Variants in UNC13C observed in about 807,000 individuals in gnomAD.
The protein encoded by UNC13C is unc-13 homolog C, also known as protein unc-13 homolog C.
Under a neutral mutation model 245.4 loss-of-function variants are expected in UNC13C, and 174 were observed. The observed-to-expected ratio is 0.71, with a 90% CI of 0.63 to 0.80. The LOEUF is 0.80. Ranked by LOEUF, UNC13C falls within the 30% of genes least tolerant of loss-of-function variation. The pLI, the probability that UNC13C is intolerant of heterozygous loss-of-function variation, is 0.00. For missense variants in UNC13C, 2,829 were observed against 2,602.9 expected (o/e 1.09, Z -1.89); for synonymous variants, 992 against 895.1 (o/e 1.11, Z -1.93).
intron 13 of UNC13C, among the ~76,000 whole-genome samples, chr15:54,318,316 T>C (rs1013828455): frequency 6.6e-6 from 1 of 151,932 alleles, no homozygotes; most frequent in African/African-American, 2.4e-5. Flanking sequence ...TTTCCCTTAA[T>C]GGCTGTACTA....
intron 18 of UNC13C, among the ~76,000 whole-genome samples, chr15:54,408,635 A>C (rs887240177): frequency 6.8e-6 from 1 of 146,178 alleles, no homozygotes; most frequent in Non-Finnish European, 1.5e-5. Context: ...AAGAGTTCTA[A>C]TGTTTATTTA....
At chr15:53,851,690 C>G in the UNC13C span, among the ~76,000 whole-genome samples, 1 of 152,168 alleles carries the variant, frequency 6.6e-6, no homozygotes, top group African/African-American at 2.4e-5. Flanking sequence ...GTCTGAACAG[C>G]AAGCCCTTGC....
the UNC13C span, among the ~76,000 whole-genome samples, chr15:53,882,918 A>G: frequency 6.6e-6 from 1 of 152,156 alleles, no homozygotes; most frequent in South Asian, 2.1e-4. Context: ...AGGAGGAGGG[A>G]GAGAAGCAGG....
At chr15:54,405,909 A>G (rs2040281731) in intron 18 of UNC13C, among the ~76,000 whole-genome samples, 1 of 152,168 alleles carries the variant, frequency 6.6e-6, no homozygotes, top group African/African-American at 2.4e-5. Flanking sequence ...AAAAAATTAT[A>G]TACATATGTA....
At chr15:54,427,793 C>A (rs1366383354) in intron 19 of UNC13C, among the ~76,000 whole-genome samples, 7 of 151,670 alleles carry the variant, frequency 4.6e-5, no homozygotes. Flanking sequence ...TCAGCCTATA[C>A]CTACAGGTCA....
At chr15:54,626,801 C>CAAAATTTGTATTTT in intron 32 of UNC13C, 27 bp from the exon 33 acceptor site, 1 of 1,586,168 alleles carries the variant, frequency 6.3e-7, no homozygotes, top group Non-Finnish European at 8.6e-7. Flanking sequence ...AGTTTTTGCT[C>CAAAATTTGTATTTT]AAAATTTGTA....
intron 2 of UNC13C, among the ~76,000 whole-genome samples, chr15:54,131,528 A>G (rs1455445708): frequency 6.6e-6 from 1 of 152,180 alleles, no homozygotes; most frequent in Non-Finnish European, 1.5e-5. Context: ...AGGTAATGAA[A>G]TCTTATGAAT....
At chr15:54,016,466 A>T (rs1355113611) in intron 2 of UNC13C, among the ~76,000 whole-genome samples, 1 of 152,178 alleles carries the variant, frequency 6.6e-6, no homozygotes, top group Non-Finnish European at 1.5e-5. Flanking sequence ...AGGGAGAGCA[A>T]TAGAGCCAAG....
intron 2 of UNC13C, among the ~76,000 whole-genome samples, chr15:54,110,107 G>A (rs1900691462): frequency 6.6e-6 from 1 of 151,882 alleles, no homozygotes; most frequent in African/African-American, 2.4e-5. Context: ...GTGGAACCCA[G>A]TCTCTACTAA....
intron 10 of UNC13C, among the ~76,000 whole-genome samples, chr15:54,284,077 A>G (rs111328114): frequency 2.0e-5 from 3 of 152,238 alleles, no homozygotes; most frequent in African/African-American, 7.2e-5. Flanking sequence ...CCTCATTACA[A>G]CCAATGACTT....
At chr15:53,857,892 A>T in the UNC13C span, among the ~76,000 whole-genome samples, 2 of 152,342 alleles carry the variant, frequency 1.3e-5, no homozygotes, top group South Asian at 4.1e-4. Flanking sequence ...CTTCAGTATT[A>T]TTTAACAATA....
intron 4 of UNC13C, among the ~76,000 whole-genome samples, chr15:54,172,574 G>A (rs28439582): frequency 0.11 from 15,893 of 150,364 alleles, 1,481 homozygotes; most frequent in African/African-American, 0.24. Context: ...TCAGTCCTCT[G>A]CTGAAATATA....
intron 10 of UNC13C, among the ~76,000 whole-genome samples, chr15:54,285,525 G>T (rs986900207): frequency 3.3e-5 from 5 of 152,182 alleles, no homozygotes; most frequent in African/African-American, 1.2e-4. Flanking sequence ...TGCTGGGTCA[G>T]AGTTTAAGGA....
At position 54,013,115 on chromosome 15, in the gene UNC13C, C is replaced by T. The variant is rs1185947534; in HGVS notation, c.212C>T (p.Ser71Phe). Residue 71 changes from serine to phenylalanine, a missense_variant, in exon 2 of 33, where the codon TCC becomes TTC. Physicochemically the swap from Ser to Phe is radical, Grantham distance 155 (BLOSUM62 -2). Coordinates refer to ENST00000260323, the MANE Select transcript of UNC13C (RefSeq NM_001080534.3). ...STVKKIAKCS[S>F]THNLSTEEDE... Reference sequence around the variant, plus strand: ...GTAAAGAAGATTGCAAAGTGTTCATCCACTCACAACTTATCCACTGAGGAA... The same window carrying T: ...GTAAAGAAGATTGCAAAGTGTTCATTCACTCACAACTTATCCACTGAGGAA... The T allele has an allele frequency of 1.2e-6, 2 of 1,613,788 alleles. No individual in the cohort carries two copies. Among genetic ancestry groups the T allele is most frequent in the African/African-American group, 2.7e-5 (2 of 74,918 alleles).
At chr15:53,881,095 A>G in the UNC13C span, among the ~76,000 whole-genome samples, 6 of 152,138 alleles carry the variant, frequency 3.9e-5, no homozygotes, top group Non-Finnish European at 7.3e-5. Context: ...AAATAAATCT[A>G]TCATTTAAGG....
intron 19 of UNC13C, among the ~76,000 whole-genome samples, chr15:54,422,403 A>T (rs1384587439): frequency 2.0e-5 from 3 of 151,956 alleles, no homozygotes; most frequent in South Asian, 2.1e-4. Flanking sequence ...ATTGACTTTC[A>T]CACACTTAGA....
chr15:54,514,494 A>G (rs928310643), intron 24 of UNC13C, among the ~76,000 whole-genome samples: 1 of 152,220 alleles, frequency 6.6e-6, no homozygotes, highest in Non-Finnish European at 1.5e-5. Flanking sequence ...ACTTCTTGCT[A>G]TAAAAATTAA....
At chr15:53,912,278 G>A in the UNC13C span, 1 of 152,210 alleles carries the variant, frequency 6.6e-6, no homozygotes, top group African/African-American at 2.4e-5. Context: ...ATTTGCAGAT[G>A]GGAGAAGACA....
chr15:54,276,434 T>A (rs2036834302), intron 10 of UNC13C, among the ~76,000 whole-genome samples: 1 of 152,128 alleles, frequency 6.6e-6, no homozygotes, highest in Non-Finnish European at 1.5e-5. Flanking sequence ...TCTACTATGA[T>A]GATTATGACC....
Sources: allele counts gnomAD v4.1 joint callset (sites outside exome capture counted in the v4.1 genomes callset), GRCh38; gene constraint gnomAD v4.1.1; transcripts MANE v1.5; gene names NCBI Gene and HGNC (gene_info 2026-07-23, HGNC 2026-07-21).